Variants in KPNA5 observed in about 807,000 individuals in gnomAD.
The protein encoded by KPNA5 is importin subunit alpha-6.
Under a neutral mutation model 71.3 loss-of-function variants are expected in KPNA5, and 46 were observed. The observed-to-expected ratio is 0.65, with a 90% confidence interval of 0.51 to 0.83. KPNA5 has a LOEUF of 0.83. KPNA5 is among the 40% of genes least tolerant of loss of function. The pLI, the probability that KPNA5 is intolerant of heterozygous loss-of-function variation, is 0.00. For synonymous variants in KPNA5, 207 were observed against 201.4 expected, an observed-to-expected ratio of 1.03 and a Z score of -0.24; for missense variants, 547 against 628.3, an observed-to-expected ratio of 0.87 and a Z score of 1.38.
At chr6:116,685,056 T>G (rs1308837995) in intron 1 of KPNA5, among the ~76,000 whole-genome samples, 1 of 152,232 alleles carries the variant, frequency 6.6e-6, no homozygotes, top group East Asian at 1.9e-4. Context: ...AATGAAAACT[T>G]ATGTTTACAC....
chr6:116,692,026 A>G (rs769447220), intron 2 of KPNA5, 29 bp from the exon 3 acceptor site: 7 of 1,390,756 alleles, frequency 5.0e-6, no homozygotes, highest in East Asian at 2.3e-5. Flanking sequence ...GGAAAGCTCA[A>G]TGTGTAAACT....
intron 8 of KPNA5, 34 bp from the exon 9 acceptor site, chr6:116,722,091 GA>G: frequency 2.1e-6 from 3 of 1,444,146 alleles, no homozygotes; most frequent in Non-Finnish European, 2.8e-6. Flanking sequence ...TTTAAATAGA[GA>G]AAAAATTTAA....
rs1022395093 is a variant in KPNA5, at chr6:116,729,501, C to G, written c.1254-62C>G. The G allele has an allele frequency of 5.7e-6, 6 of 1,057,740 alleles. No homozygotes were observed. The African/African-American group carries it at 9.8e-5, about 17-fold the overall frequency. 65.5% of individuals were successfully genotyped at this position (1,057,740 alleles called of 1,614,324 possible). A position where few individuals can be genotyped will look rare whatever the true frequency, so the allele number is the denominator to read the frequency against. ...AATATTTTTGTGTCATTGTTACAAA[C>G]AGTACTTAAGTCTTTTTAAATCTTT... On this transcript the variant is annotated intron_variant, in intron 12 of 13. Transcript: ENST00000368564.
rs57577673 is a variant in KPNA5, at chr6:116,682,174, GA to G, written c.4+841del. On this transcript the variant is annotated intron_variant, in intron 1 of 13. Coordinates refer to ENST00000368564, the MANE Select transcript of KPNA5 (RefSeq NM_001366306.2). ...AAAAATACCAAAAATACAAAAAAAG[GA>G]AAAATTAGCCTGGCATGGTGGTGGG... 6.2e-3 allele frequency among the ~76,000 whole-genome samples: 946 copies of G among 151,830 alleles called. 11 individuals are homozygous for G. Among genetic ancestry groups the G allele is most frequent in the African/African-American group, 0.022 (923 of 41,446 alleles).
chr6:116,688,411 C>G (rs1017970760), intron 1 of KPNA5, among the ~76,000 whole-genome samples: 1 of 152,082 alleles, frequency 6.6e-6, no homozygotes, highest in Non-Finnish European at 1.5e-5. Flanking sequence ...TGGGTACTCA[C>G]TATCTACTGT....
chr6:116,691,157 A>C (rs558202726), intron 2 of KPNA5, among the ~76,000 whole-genome samples: 1 of 152,336 alleles, frequency 6.6e-6, no homozygotes, highest in Non-Finnish European at 1.5e-5. Context: ...TGAACCCAGG[A>C]GGTGGAGGTT....
chr6:116,738,281 C>A lies in KPNA5; in HGVS notation c.*5958C>A, dbSNP rs1241659920. Reference sequence around the variant, plus strand: ...ATGGATAAATTCCTCGACACATAAACCCTCCCAAGACTAAACCAGGAAGAA... The same window carrying A: ...ATGGATAAATTCCTCGACACATAAAACCTCCCAAGACTAAACCAGGAAGAA... On this transcript the variant is annotated 3_prime_UTR_variant, in exon 14 of 14. Coordinates refer to ENST00000368564, the MANE Select transcript of KPNA5 (RefSeq NM_001366306.2). 1.3e-5 allele frequency: 2 copies of A among 152,118 alleles called. No individual in the cohort carries two copies. The highest frequency in any genetic ancestry group is 1.3e-4 in the Admixed American group (2 of 15,256). The allele number at this position is 152,118 out of a possible 1,614,324, so 9.4% of individuals were successfully genotyped here.
chr6:116,682,256 G>A (rs1443200045), intron 1 of KPNA5, among the ~76,000 whole-genome samples: 1 of 152,202 alleles, frequency 6.6e-6, no homozygotes, highest in Non-Finnish European at 1.5e-5. Context: ...GTGAACCCGG[G>A]CGGCGGAGCT....
chr6:116,712,135 C>A (rs1170608590), intron 7 of KPNA5, among the ~76,000 whole-genome samples: 1 of 152,008 alleles, frequency 6.6e-6, no homozygotes, highest in Non-Finnish European at 1.5e-5. Context: ...AGAGATGGGT[C>A]TCACCATGTT....
chr6:116,729,733 A>C lies in KPNA5; in HGVS notation c.1424A>C (p.Glu475Ala). ...GINPYCALIEEAYGLDKIEFL... is the reference protein window; with the variant it reads ...GINPYCALIEAAYGLDKIEFL... ...AATCCATACTGTGCTCTCATTGAAG[A>C]AGCATATGGTAAGCAATCAGTTAAA... The change falls in exon 13 of 14, where the codon GAA becomes GCA. Residue 475 changes from glutamate to alanine, a missense_variant. Transcript: ENST00000368564. 1 of 1,515,566 alleles carries C rather than the reference A, an allele frequency of 6.6e-7. No homozygotes were observed. The highest frequency in any genetic ancestry group is 8.9e-7 in the Non-Finnish European group (1 of 1,126,816). 93.9% of individuals were successfully genotyped at this position (1,515,566 alleles called of 1,614,324 possible).
intron 5 of KPNA5, among the ~76,000 whole-genome samples, chr6:116,699,398 ATTC>A (rs1451005709): frequency 1.3e-5 from 2 of 152,196 alleles, no homozygotes; most frequent in African/African-American, 2.4e-5. Flanking sequence ...TGCTATGCAT[ATTC>A]TTAAGTCAGA....
In KPNA5 at chr6:116,698,693, T is replaced by A. The variant is rs763272452; in HGVS notation, c.341-11T>A. The A allele has an allele frequency of 2.6e-6, 4 of 1,518,196 alleles. No individual in the cohort carries two copies. Among genetic ancestry groups the A allele is most frequent in the African/African-American group, 1.4e-5 (1 of 71,766 alleles). The allele number at this position is 1,518,196 out of a possible 1,614,324, so 94.0% of individuals were successfully genotyped here. On this transcript the variant is annotated splice_polypyrimidine_tract_variant and intron_variant, in intron 4 of 13. Transcript: ENST00000368564. ...GTCTTTGTAATAACTGAAGTCTTTT[T>A]AAATTTTTAGAACCTAATCCACCAA...
At chr6:116,690,625 A>C (rs1288244689) in intron 2 of KPNA5, among the ~76,000 whole-genome samples, 1 of 150,306 alleles carries the variant, frequency 6.7e-6, no homozygotes, top group Non-Finnish European at 1.5e-5. Context: ...CCTGGGCGAC[A>C]GAGTAAGACT....
At chr6:116,725,353 T>C (rs941501185) in intron 10 of KPNA5, among the ~76,000 whole-genome samples, 4 of 152,210 alleles carry the variant, frequency 2.6e-5, no homozygotes. Flanking sequence ...TACATGCTGT[T>C]TTTAATGGTT....
chr6:116,717,848 T>C (rs553840620), intron 8 of KPNA5, among the ~76,000 whole-genome samples: 1 of 152,154 alleles, frequency 6.6e-6, no homozygotes, highest in Non-Finnish European at 1.5e-5. Context: ...GTTGTATACA[T>C]GCCCATCTGA....
At chr6:116,701,874 C>T in intron 5 of KPNA5, 145 bp from the exon 6 acceptor site, 2 of 589,312 alleles carry the variant, frequency 3.4e-6, no homozygotes, top group South Asian at 6.9e-5. Flanking sequence ...GAGTTTTTAT[C>T]CTTAAATCTG....
At chr6:116,705,615 C>G (rs1778410516) in intron 7 of KPNA5, among the ~76,000 whole-genome samples, 1 of 151,722 alleles carries the variant, frequency 6.6e-6, no homozygotes, top group African/African-American at 2.4e-5. Context: ...TCTTCTACTA[C>G]TTTACGTATT....
chr6:116,724,574 A>C (rs1387929351), intron 10 of KPNA5, among the ~76,000 whole-genome samples, 199 bp downstream of exon 10: 1 of 146,850 alleles, frequency 6.8e-6, no homozygotes, highest in Non-Finnish European at 1.5e-5. Flanking sequence ...TTTGGGTTAC[A>C]ATCTTTTTAT....
chr6:116,683,960 G>GAGT (rs1208377060), intron 1 of KPNA5, among the ~76,000 whole-genome samples: 1 of 122,490 alleles, frequency 8.2e-6, no homozygotes, highest in Non-Finnish European at 1.6e-5. Context: ...TCCCAGGCTG[G>GAGT]AGTCCAGGCT....
Sources: gnomAD v4.1 joint callset for allele counts (sites outside exome capture counted in the v4.1 genomes callset) on GRCh38, gnomAD v4.1.1 for gene constraint, MANE v1.5 for transcripts, NCBI Gene and HGNC (gene_info 2026-07-23, HGNC 2026-07-21) for gene names.